The following MRAP2 variants were observed in gnomAD, a reference collection of about 807,000 sequenced individuals.
The protein encoded by MRAP2 is melanocortin 2 receptor accessory protein 2.
MRAP2 carries 20 observed loss-of-function variants against 17.4 expected under a neutral mutation model. The ratio of observed to expected loss-of-function variants is 1.15; its 90% CI spans 0.81 to 1.67. The LOEUF (loss-of-function observed/expected upper bound fraction) is 1.67. Ranked by LOEUF, MRAP2 falls within the 40% of genes most tolerant of loss-of-function variation. The pLI is 0.00. For synonymous variants in MRAP2, 96 were observed against 88.4 expected (o/e 1.09, Z -0.48); for missense variants, 238 against 240.0 (o/e 0.99, Z 0.05).
Position 84,089,519 on chromosome 6 carries a change from A to G in MRAP2, c.*38A>G, listed in dbSNP as rs1341976917. 1.9e-6 allele frequency: 3 copies of G among 1,572,212 alleles called. No homozygotes were observed. Among genetic ancestry groups the G allele is most frequent in the African/African-American group, 2.7e-5 (2 of 73,236 alleles). On this transcript the variant is annotated 3_prime_UTR_variant, in exon 4 of 4. Coordinates refer to ENST00000257776, the MANE Select transcript of MRAP2 (RefSeq NM_138409.4). ...GTAAAGGGTCTTCCTGAAGATGTGG[A>G]TTCTATCTTTATGTAGCAAGAAATC... is the stretch of plus-strand genomic sequence containing the variant.
intron 3 of MRAP2, among the ~76,000 whole-genome samples, chr6:84,066,881 A>G (rs1002945012): frequency 6.6e-6 from 1 of 152,210 alleles, no homozygotes; most frequent in African/African-American, 2.4e-5. Context: ...TTAGCAAGCA[A>G]CCAGATTTGT....
At chr6:84,126,469 T>C in the MRAP2 span, 11 of 1,572,396 alleles carry the variant, frequency 7.0e-6, no homozygotes, top group South Asian at 2.3e-5. Context: ...CTCTGGTGTA[T>C]GGTTTTCTTT....
chr6:84,064,512 G>C (rs2099494051), intron 3 of MRAP2, among the ~76,000 whole-genome samples: 1 of 152,010 alleles, frequency 6.6e-6, no homozygotes, highest in South Asian at 2.1e-4. Flanking sequence ...TTTTGAGACG[G>C]AGTCTTGCTC....
intron 3 of MRAP2, among the ~76,000 whole-genome samples, chr6:84,083,858 A>G (rs1296072274): frequency 6.6e-6 from 1 of 152,140 alleles, no homozygotes; most frequent in Non-Finnish European, 1.5e-5. Flanking sequence ...AATACATAGA[A>G]GCAGATTCTC....
the MRAP2 span, among the ~76,000 whole-genome samples, chr6:84,110,978 G>T: frequency 1.3e-5 from 2 of 152,168 alleles, no homozygotes; most frequent in Non-Finnish European, 1.5e-5. Context: ...TTTGGTACCA[G>T]TAGTATGCTG....
intron 1 of MRAP2, among the ~76,000 whole-genome samples, chr6:84,035,157 C>T (rs1022054845): frequency 1.3e-5 from 2 of 152,174 alleles, no homozygotes; most frequent in East Asian, 3.9e-4. Flanking sequence ...CCAGCCTAAA[C>T]CCTTTAAAGA....
chr6:84,104,495 T>A, the MRAP2 span, among the ~76,000 whole-genome samples: 1 of 152,224 alleles, frequency 6.6e-6, no homozygotes, highest in Non-Finnish European at 1.5e-5. Flanking sequence ...TTTTTACAAC[T>A]TTTATGCTGT....
At chr6:84,101,289 G>A in the MRAP2 span, among the ~76,000 whole-genome samples, 1 of 152,178 alleles carries the variant, frequency 6.6e-6, no homozygotes, top group African/African-American at 2.4e-5. Flanking sequence ...CCTTCTTAGG[G>A]AAGAAATTCA....
the MRAP2 span, among the ~76,000 whole-genome samples, chr6:84,105,274 G>A: frequency 4.4e-4 from 67 of 152,278 alleles, no homozygotes; most frequent in Admixed American, 9.2e-4. Context: ...TGCTGATAAA[G>A]ACATGCCTGA....
chr6:84,144,134 G>C, the MRAP2 span, among the ~76,000 whole-genome samples: 1 of 151,912 alleles, frequency 6.6e-6, no homozygotes, highest in Non-Finnish European at 1.5e-5. Context: ...GGATGTTCCA[G>C]AGGGCCCTGG....
At chr6:84,108,454 T>C in the MRAP2 span, among the ~76,000 whole-genome samples, 5 of 152,150 alleles carry the variant, frequency 3.3e-5, no homozygotes, top group African/African-American at 1.2e-4. Context: ...TTTTTTTATA[T>C]GTGTGCTGGC....
chr6:84,039,904 T>C lies in MRAP2; in HGVS notation c.-8+6021T>C, dbSNP rs150829816. Among the ~76,000 whole-genome samples the C allele has an allele frequency of 7.3e-3, 1,107 of 152,302 alleles. 12 individuals carry two copies. The highest frequency in any genetic ancestry group is 0.028 in the South Asian group (135 of 4,818). On this transcript the variant is annotated intron_variant, in intron 1 of 3. Transcript: ENST00000257776. ...TTCTGTCTTTCTACAAACCTTTGTATAGATTATTTCAGGAAATATAATTCT... is the reference window on the plus strand; with the variant it reads ...TTCTGTCTTTCTACAAACCTTTGTACAGATTATTTCAGGAAATATAATTCT...
At chr6:84,142,986 TTAAG>T in the MRAP2 span, among the ~76,000 whole-genome samples, 2 of 152,092 alleles carry the variant, frequency 1.3e-5, no homozygotes, top group Non-Finnish European at 2.9e-5. Context: ...AACAAGTACA[TTAAG>T]TAAATATTAG....
the MRAP2 span, chr6:84,126,437 C>A: frequency 6.3e-7 from 1 of 1,597,578 alleles, no homozygotes; most frequent in East Asian, 2.3e-5. Flanking sequence ...ATTTTCTTTT[C>A]TAAGCCCACG....
the MRAP2 span, among the ~76,000 whole-genome samples, chr6:84,134,153 G>C: frequency 6.6e-6 from 1 of 152,194 alleles, no homozygotes; most frequent in Admixed American, 6.5e-5. Flanking sequence ...CTTTGTTTAT[G>C]CTATGAGGGG....
the MRAP2 span, among the ~76,000 whole-genome samples, chr6:84,132,319 T>C: frequency 6.6e-6 from 1 of 152,196 alleles, no homozygotes; most frequent in South Asian, 2.1e-4. Context: ...TAATTATGTG[T>C]CTTGGAGTTG....
intron 3 of MRAP2, among the ~76,000 whole-genome samples, chr6:84,084,086 C>A (rs2099499686): frequency 6.6e-6 from 1 of 152,028 alleles, no homozygotes; most frequent in Non-Finnish European, 1.5e-5. Context: ...TAATAATAAA[C>A]CTCTCATCCT....
intron 1 of MRAP2, among the ~76,000 whole-genome samples, chr6:84,046,006 A>G (rs939097859): frequency 7.2e-5 from 11 of 152,170 alleles, no homozygotes; most frequent in African/African-American, 2.7e-4. Context: ...TTCAGCCATA[A>G]TAGGTAGCTC....
chr6:84,097,232 C>T, the MRAP2 span, among the ~76,000 whole-genome samples: 1 of 152,110 alleles, frequency 6.6e-6, no homozygotes, highest in Non-Finnish European at 1.5e-5. Context: ...TGGGGTAGGG[C>T]AGGGTGGTCT....
Sources: allele counts gnomAD v4.1 joint callset (sites outside exome capture counted in the v4.1 genomes callset), GRCh38; gene constraint gnomAD v4.1.1; transcripts MANE v1.5; gene names NCBI Gene and HGNC (gene_info 2026-07-23, HGNC 2026-07-21).